CCSER2: variants seen among roughly 807,000 people sequenced by gnomAD.
CCSER2 encodes the protein serine-rich coiled-coil domain-containing protein 2.
CCSER2 carries 46 observed loss-of-function variants against 92.3 expected under a neutral mutation model. The observed-to-expected ratio is 0.50, with a 90% confidence interval of 0.39 to 0.64. The LOEUF (loss-of-function observed/expected upper bound fraction) is 0.64, where lower values mean the gene tolerates loss of function less well. Among genes scored for constraint, CCSER2 ranks in the 30% least tolerant of loss-of-function variants. The probability of loss-of-function intolerance (pLI) is 0.00; values close to 1 mark genes in which losing one functional copy is unlikely to be tolerated. For missense variants in CCSER2, 1,244 were observed against 1,238.9 expected (o/e 1.00, Z -0.06); for synonymous variants, 433 against 431.4 (o/e 1.00, Z -0.04).
At chr10:84,376,586 A>T (rs1370979659) in intron 3 of CCSER2, among the ~76,000 whole-genome samples, 3 of 152,152 alleles carry the variant, frequency 2.0e-5, no homozygotes, top group Non-Finnish European at 2.9e-5. Context: ...ACTACAACTT[A>T]TCTTATTGTT....
intron 6 of CCSER2, among the ~76,000 whole-genome samples, chr10:84,445,732 A>G (rs1844873831): frequency 6.6e-6 from 1 of 152,216 alleles, no homozygotes; most frequent in Admixed American, 6.5e-5. Context: ...TACTTGTTTT[A>G]TATCTGGCTT....
At position 84,516,046 on chromosome 10, in the gene CCSER2, C is replaced by T. The variant is rs186063123; in HGVS notation, c.*1779C>T. 6.6e-6 allele frequency: 1 copy of T among 152,276 alleles called. No individual in the cohort carries two copies. Among genetic ancestry groups the T allele is most frequent in the East Asian group, 1.9e-4 (1 of 5,176 alleles). 9.4% of individuals were successfully genotyped at this position (152,276 alleles called of 1,614,324 possible). A position where few individuals can be genotyped will look rare whatever the true frequency, so the allele number is the denominator to read the frequency against. Reference sequence around the variant, plus strand: ...TTTGAGCAGCTGACCAAAAATATATCAAACAGGATTATGGCCAAAAAGTCA... The same window carrying T: ...TTTGAGCAGCTGACCAAAAATATATTAAACAGGATTATGGCCAAAAAGTCA... On this transcript the variant is annotated 3_prime_UTR_variant, in exon 10 of 10. Transcript: ENST00000372088.
rs1849582012 is a variant in CCSER2, at chr10:84,515,844, T to C, written c.*1577T>C. ...ATTTTAATACGCTGTAGAAGGTAGG[T>C]GTGGAACCTCCATGCTACCATGTGC... On this transcript the variant is annotated 3_prime_UTR_variant, in exon 10 of 10. Coordinates refer to ENST00000372088, the MANE Select transcript of CCSER2 (RefSeq NM_001284240.2). 1 of 152,222 alleles carries C rather than the reference T, an allele frequency of 6.6e-6. No individual in the cohort carries two copies. Among genetic ancestry groups the C allele is most frequent in the South Asian group, 2.1e-4 (1 of 4,820 alleles). The allele number at this position is 152,222 out of a possible 1,614,324, so 9.4% of individuals were successfully genotyped here. A position where few individuals can be genotyped will look rare whatever the true frequency, so the allele number is the denominator to read the frequency against.
chr10:84,390,904 T>C, intron 3 of CCSER2: 1 of 722,528 alleles, frequency 1.4e-6, no homozygotes, highest in Non-Finnish European at 2.6e-6. Flanking sequence ...CTGGTTTTGC[T>C]GCCTAGAAGA....
At chr10:84,492,151 C>T (rs1036640067) in intron 9 of CCSER2, among the ~76,000 whole-genome samples, 5 of 151,762 alleles carry the variant, frequency 3.3e-5, no homozygotes, top group East Asian at 3.9e-4. Context: ...TGGTGGCGGG[C>T]ACCTGTAGTC....
chr10:84,414,239 T>C (rs1842787363), intron 3 of CCSER2, among the ~76,000 whole-genome samples: 1 of 152,224 alleles, frequency 6.6e-6, no homozygotes, highest in Non-Finnish European at 1.5e-5. Flanking sequence ...TGCTTCATAG[T>C]GTCACTTGGT....
intron 7 of CCSER2, among the ~76,000 whole-genome samples, chr10:84,465,280 T>TGA (rs1251736699): frequency 2.6e-5 from 3 of 115,580 alleles, no homozygotes; most frequent in East Asian, 2.4e-4. Flanking sequence ...TGTGTGTGTG[T>TGA]GTGTGTGTGT....
chr10:84,430,011 A>G (rs1015856524), intron 5 of CCSER2, among the ~76,000 whole-genome samples: 2 of 152,016 alleles, frequency 1.3e-5, no homozygotes, highest in Non-Finnish European at 2.9e-5. Context: ...TTAAAAAAAT[A>G]TTTGACGTCT....
chr10:84,396,467 A>G (rs1162447692), intron 3 of CCSER2, among the ~76,000 whole-genome samples: 1 of 151,872 alleles, frequency 6.6e-6, no homozygotes, highest in Non-Finnish European at 1.5e-5. Flanking sequence ...TTTAGTTCTC[A>G]ATCCTTTCAG....
intron 3 of CCSER2, among the ~76,000 whole-genome samples, chr10:84,378,953 T>C (rs982364670): frequency 1.3e-5 from 2 of 152,180 alleles, no homozygotes; most frequent in South Asian, 4.1e-4. Flanking sequence ...TTCTACTTGT[T>C]CTTGCCATGT....
intron 8 of CCSER2, among the ~76,000 whole-genome samples, chr10:84,471,173 T>C (rs1258778279): frequency 1.3e-5 from 2 of 152,074 alleles, no homozygotes; most frequent in Non-Finnish European, 2.9e-5. Flanking sequence ...AAGGATATCA[T>C]ATACTGAGCT....
chr10:84,484,084 C>T (rs1190898963), intron 9 of CCSER2, among the ~76,000 whole-genome samples: 1 of 150,092 alleles, frequency 6.7e-6, no homozygotes, highest in African/African-American at 2.4e-5. Context: ...CACCATTCCC[C>T]TGCCTCAGCC....
At chr10:84,476,457 T>C (rs1847147529) in intron 8 of CCSER2, among the ~76,000 whole-genome samples, 1 of 138,900 alleles carries the variant, frequency 7.2e-6, no homozygotes, top group African/African-American at 2.7e-5. Context: ...TTTTTTTTTT[T>C]TTTTTGAAAT....
chr10:84,442,682 G>A (rs542291621), intron 6 of CCSER2, among the ~76,000 whole-genome samples: 2 of 152,206 alleles, frequency 1.3e-5, no homozygotes, highest in African/African-American at 2.4e-5. Flanking sequence ...CCAGTGATCA[G>A]TTAATTAACT....
At chr10:84,348,706 A>G (rs1489268729) in intron 1 of CCSER2, among the ~76,000 whole-genome samples, 4 of 151,890 alleles carry the variant, frequency 2.6e-5, no homozygotes, top group Non-Finnish European at 5.9e-5. Flanking sequence ...TGGCATGAAT[A>G]AGAGAAATCT....
chr10:84,390,797 A>T, intron 3 of CCSER2: 1 of 485,708 alleles, frequency 2.1e-6, no homozygotes, highest in Non-Finnish European at 3.8e-6. Context: ...CTATTAATAC[A>T]TGGATTATTT....
chr10:84,348,491 G>T (rs981965022), intron 1 of CCSER2, among the ~76,000 whole-genome samples: 6 of 152,168 alleles, frequency 3.9e-5, no homozygotes, highest in African/African-American at 1.4e-4. Context: ...GGGAGACCGT[G>T]GGGAGAGGAA....
At chr10:84,336,262 A>G (rs1843830754) in intron 1 of CCSER2, among the ~76,000 whole-genome samples, 1 of 152,216 alleles carries the variant, frequency 6.6e-6, no homozygotes, top group African/African-American at 2.4e-5. Flanking sequence ...CAAGAAATGT[A>G]TTCCGAGCAC....
intron 9 of CCSER2, among the ~76,000 whole-genome samples, chr10:84,495,018 G>T (rs1324793183): frequency 7.0e-6 from 1 of 142,414 alleles, no homozygotes; most frequent in South Asian, 2.3e-4. Flanking sequence ...GGTTTATTTT[G>T]GTCTTATTTT....
Sources: allele counts gnomAD v4.1 joint callset (sites outside exome capture counted in the v4.1 genomes callset), GRCh38; gene constraint gnomAD v4.1.1; transcripts MANE v1.5; gene names NCBI Gene and HGNC (gene_info 2026-07-23, HGNC 2026-07-21).